MAPKAP1: variants seen among roughly 807,000 people sequenced by gnomAD.
MAPKAP1 encodes the protein target of rapamycin complex 2 subunit MAPKAP1.
A neutral mutation model predicts 65.7 loss-of-function variants in MAPKAP1; 20 were observed. That is an observed-to-expected ratio of 0.30 (90% CI 0.21 to 0.44). The LOEUF (loss-of-function observed/expected upper bound fraction) is 0.44. Ranked by LOEUF, MAPKAP1 falls within the 20% of genes least tolerant of loss-of-function variation. The probability of loss-of-function intolerance (pLI) is 1.00; values close to 1 mark genes in which losing one functional copy is unlikely to be tolerated. For synonymous variants in MAPKAP1, 222 were observed against 244.3 expected, an observed-to-expected ratio of 0.91 and a Z score of 0.85; for missense variants, 423 against 648.0, an observed-to-expected ratio of 0.65 and a Z score of 3.77.
At chr9:125,671,648 A>G (rs930166927) in intron 2 of MAPKAP1, among the ~76,000 whole-genome samples, 7 of 152,206 alleles carry the variant, frequency 4.6e-5, no homozygotes, top group African/African-American at 9.6e-5. Flanking sequence ...CCAAAAAAAT[A>G]TAAGTGGGAA....
chr9:125,584,707 G>T (rs1831727968), intron 5 of MAPKAP1, among the ~76,000 whole-genome samples: 1 of 152,150 alleles, frequency 6.6e-6, no homozygotes, highest in Non-Finnish European at 1.5e-5. Context: ...GATTACAGGT[G>T]TGAGCCCCCG....
chr9:125,467,083 G>A (rs1231061390), intron 10 of MAPKAP1, among the ~76,000 whole-genome samples: 1 of 152,160 alleles, frequency 6.6e-6, no homozygotes, highest in Admixed American at 6.5e-5. Context: ...ATACTCCCAA[G>A]TTACTGAATC....
intron 10 of MAPKAP1, among the ~76,000 whole-genome samples, chr9:125,457,599 T>C (rs1315922548): frequency 2.6e-5 from 4 of 152,254 alleles, no homozygotes; most frequent in African/African-American, 7.2e-5. Flanking sequence ...TGCTGTCCTT[T>C]ACAGAGTATT....
chr9:125,594,801 G>A (rs1200282539), intron 4 of MAPKAP1, among the ~76,000 whole-genome samples: 1 of 152,098 alleles, frequency 6.6e-6, no homozygotes, highest in East Asian at 1.9e-4. Context: ...GGGGTTTCAT[G>A]CTAGCTGGCT....
intron 7 of MAPKAP1, among the ~76,000 whole-genome samples, chr9:125,533,769 G>C (rs1829999734): frequency 6.6e-6 from 1 of 152,102 alleles, no homozygotes; most frequent in Non-Finnish European, 1.5e-5. Flanking sequence ...TTTTTGAAAG[G>C]CAATTTGTTT....
intron 4 of MAPKAP1, among the ~76,000 whole-genome samples, chr9:125,608,862 G>C (rs2131625263): frequency 6.6e-6 from 1 of 152,264 alleles, no homozygotes; most frequent in Middle Eastern, 3.4e-3. Context: ...TTAGTACCAA[G>C]AGAAATATAC....
At position 125,653,890 on chromosome 9, in the gene MAPKAP1, C is replaced by CT. The variant is rs202034369; in HGVS notation, c.498+3760dup. On this transcript the variant is annotated intron_variant, in intron 4 of 11. Transcript: ENST00000265960. ...GATGACACAACTTGCTAATCAGTCCCTTTTTTTTTATTACTAACTGTATTG... is the reference window on the plus strand; with the variant it reads ...GATGACACAACTTGCTAATCAGTCCCTTTTTTTTTTATTACTAACTGTATTG... Among the ~76,000 whole-genome samples, 1,121 of 151,360 alleles carry CT rather than the reference C, an allele frequency of 7.4e-3. 11 individuals are homozygous for CT. The highest frequency in any genetic ancestry group is 0.018 in the African/African-American group (757 of 41,286).
Position 125,632,316 on chromosome 9 carries a change from A to T in MAPKAP1, c.498+25335T>A, listed in dbSNP as rs149980445. Among the ~76,000 whole-genome samples, 52 of 152,276 alleles carry T rather than the reference A, an allele frequency of 3.4e-4. No homozygotes were observed. The East Asian group carries it at 9.8e-3, about 29-fold the overall frequency. On this transcript the variant is annotated intron_variant, in intron 4 of 11. Transcript: ENST00000265960. Reference sequence around the variant, plus strand: ...TATAATTGTCTGACTTCCCTACAAGATTACACATACCATTAAATTAGGGAC... The same window carrying T: ...TATAATTGTCTGACTTCCCTACAAGTTTACACATACCATTAAATTAGGGAC...
intron 10 of MAPKAP1, among the ~76,000 whole-genome samples, chr9:125,456,334 C>T (rs1216419064): frequency 6.6e-6 from 1 of 152,292 alleles, no homozygotes; most frequent in East Asian, 1.9e-4. Context: ...ACTACAATTA[C>T]ATATATGTTA....
At chr9:125,578,041 G>GT (rs1418877736) in intron 5 of MAPKAP1, among the ~76,000 whole-genome samples, 2 of 152,146 alleles carry the variant, frequency 1.3e-5, no homozygotes, top group South Asian at 2.1e-4. Flanking sequence ...CCGTGTCTGT[G>GT]TAGAAAGAGG....
In MAPKAP1 at chr9:125,576,000, T is replaced by C. The variant is rs117157578; in HGVS notation, c.671+9555A>G. Among the ~76,000 whole-genome samples the C allele has an allele frequency of 5.6e-3, 848 of 152,288 alleles. 5 individuals are homozygous for C. Among genetic ancestry groups the C allele is most frequent in the Non-Finnish European group, 9.0e-3 (611 of 68,032 alleles). On this transcript the variant is annotated intron_variant, in intron 5 of 11. Coordinates refer to ENST00000265960, the MANE Select transcript of MAPKAP1 (RefSeq NM_001006617.3). ...AACTGTGGTAAATCCATGCAGTCCATTACTTAACAACAGTGAGAAATAAGT... is the reference window on the plus strand; with the variant it reads ...AACTGTGGTAAATCCATGCAGTCCACTACTTAACAACAGTGAGAAATAAGT...
intron 1 of MAPKAP1, among the ~76,000 whole-genome samples, chr9:125,674,499 T>C (rs1157586812): frequency 6.6e-6 from 1 of 152,224 alleles, no homozygotes; most frequent in Non-Finnish European, 1.5e-5. Context: ...GGAACAGTCC[T>C]AGAAGATACT....
intron 1 of MAPKAP1, among the ~76,000 whole-genome samples, chr9:125,701,816 C>T (rs546416212): frequency 2.4e-4 from 37 of 152,310 alleles, no homozygotes; most frequent in African/African-American, 8.7e-4. Flanking sequence ...GGTCATCTCA[C>T]CAGCCAGATC....
intron 4 of MAPKAP1, among the ~76,000 whole-genome samples, chr9:125,593,855 T>C (rs949866683): frequency 6.6e-6 from 1 of 152,202 alleles, no homozygotes; most frequent in Non-Finnish European, 1.5e-5. Flanking sequence ...CTCAACTTCA[T>C]ATCCCACAGC....
intron 4 of MAPKAP1, among the ~76,000 whole-genome samples, chr9:125,603,479 T>C (rs1031440784): frequency 2.0e-5 from 3 of 152,130 alleles, no homozygotes; most frequent in Admixed American, 6.5e-5. Flanking sequence ...CAAAGGTCCA[T>C]CTCAGGTTGC....
chr9:125,571,471 C>T (rs1831228822), intron 5 of MAPKAP1, among the ~76,000 whole-genome samples: 1 of 152,162 alleles, frequency 6.6e-6, no homozygotes, highest in African/African-American at 2.4e-5. Context: ...TTATGAAGAG[C>T]TGGAATGTTC....
intron 4 of MAPKAP1, among the ~76,000 whole-genome samples, chr9:125,644,456 CTAA>C (rs759493460): frequency 2.6e-5 from 4 of 152,134 alleles, no homozygotes; most frequent in Non-Finnish European, 5.9e-5. Flanking sequence ...GCAATCACTG[CTAA>C]TGTTAAGAGA....
At chr9:125,625,411 C>CA in intron 4 of MAPKAP1, among the ~76,000 whole-genome samples, 1 of 151,578 alleles carries the variant, frequency 6.6e-6, no homozygotes, top group African/African-American at 2.4e-5. Flanking sequence ...GAGGGAAAAA[C>CA]AAAAAACAAA....
intron 3 of MAPKAP1, among the ~76,000 whole-genome samples, chr9:125,665,577 G>A (rs922736493): frequency 6.6e-6 from 1 of 151,404 alleles, no homozygotes; most frequent in African/African-American, 2.4e-5. Flanking sequence ...GACTCTTTTC[G>A]GACTCAGCCC....
Sources: allele counts gnomAD v4.1 joint callset (sites outside exome capture counted in the v4.1 genomes callset), GRCh38; gene constraint gnomAD v4.1.1; transcripts MANE v1.5; gene names NCBI Gene and HGNC (gene_info 2026-07-23, HGNC 2026-07-21).